The following OCA2 variants were observed in gnomAD, a reference collection of about 807,000 sequenced individuals.
OCA2 encodes the protein OCA2 melanosomal transmembrane protein.
A neutral mutation model predicts 100.2 loss-of-function variants in OCA2; 77 were observed. The observed-to-expected ratio is 0.77, with a 90% CI of 0.64 to 0.93. The LOEUF (loss-of-function observed/expected upper bound fraction) is 0.93. OCA2 is among the 40% of genes least tolerant of loss of function. The probability of loss-of-function intolerance (pLI) is 0.00; values close to 1 mark genes in which losing one functional copy is unlikely to be tolerated. For missense variants in OCA2, 1,062 were observed against 1,089.1 expected (o/e 0.98, Z 0.35); for synonymous variants, 432 against 439.2 (o/e 0.98, Z 0.21).
chr15:28,025,583 C>T (rs562657751), intron 4 of OCA2, among the ~76,000 whole-genome samples: 31 of 152,370 alleles, frequency 2.0e-4, no homozygotes, highest in African/African-American at 7.5e-4. Flanking sequence ...GACCGGACCA[C>T]AGGGCCTTTG....
the OCA2 span, among the ~76,000 whole-genome samples, chr15:27,727,411 C>T: frequency 6.6e-6 from 1 of 152,176 alleles, no homozygotes. Flanking sequence ...ATGAGGCCAG[C>T]TTCAGAGATG....
In OCA2 at chr15:28,081,775, C is replaced by T. The variant is rs367553582; in HGVS notation, c.100G>A (p.Gly34Ser). Residue 34 changes from glycine (G) to serine (S), a missense_variant, in exon 2 of 24, where the codon GGC becomes AGC. Coordinates refer to ENST00000354638, the MANE Select transcript of OCA2 (RefSeq NM_000275.3). The stretch of plus-strand genomic sequence containing the variant: ...GCTCCCCGAGGAAGCCTGCGCTTGC[C>T]GGCCACAAGTTCAGCGAGTCCGCTG... ...VPSGLAELVA[G>S]KRRLPRGAGG... 4.9e-5 allele frequency: 79 copies of T among 1,613,188 alleles called. No individual in the cohort carries two copies. The highest frequency in any genetic ancestry group is 6.4e-5 in the Non-Finnish European group (75 of 1,179,864).
intron 2 of OCA2, among the ~76,000 whole-genome samples, chr15:28,080,770 G>C (rs2044596098): frequency 1.3e-5 from 2 of 152,246 alleles, no homozygotes; most frequent in Admixed American, 1.3e-4. Context: ...AAGACAGTCA[G>C]AGACACCTAC....
the OCA2 span, among the ~76,000 whole-genome samples, chr15:27,723,277 G>A: frequency 2.0e-5 from 3 of 151,928 alleles, no homozygotes; most frequent in Admixed American, 1.3e-4. Flanking sequence ...TCCACCTTGC[G>A]TAGAATAATG....
chr15:27,814,883 T>TATAGATAGATAG (rs201567846), intron 23 of OCA2, among the ~76,000 whole-genome samples: 215 of 101,864 alleles, frequency 2.1e-3, no homozygotes, highest in Non-Finnish European at 3.1e-3. Flanking sequence ...ATTCTCTCTC[T>TATAGATAGATAG]ATAGATAGAT....
chr15:27,725,146 G>A, the OCA2 span, among the ~76,000 whole-genome samples: 13 of 152,182 alleles, frequency 8.5e-5, no homozygotes, highest in Non-Finnish European at 1.5e-4. Context: ...GGAGCACCGC[G>A]GAAGGTGATT....
chr15:27,826,896 A>C (rs78008531), intron 23 of OCA2, among the ~76,000 whole-genome samples: 1 of 152,380 alleles, frequency 6.6e-6, no homozygotes, highest in East Asian at 1.9e-4. Flanking sequence ...TGAAAGCACA[A>C]AACCCTCATT....
intron 18 of OCA2, among the ~76,000 whole-genome samples, chr15:27,928,080 C>T (rs759598814): frequency 1.4e-4 from 21 of 152,110 alleles, no homozygotes; most frequent in East Asian, 3.9e-4. Flanking sequence ...GCATGAGCCA[C>T]CATGCCCAGC....
intron 23 of OCA2, among the ~76,000 whole-genome samples, chr15:27,831,077 GGA>G (rs1448013892): frequency 6.6e-6 from 1 of 152,038 alleles, no homozygotes; most frequent in Non-Finnish European, 1.5e-5. Flanking sequence ...CACGAGGTCA[GGA>G]GATGGAGACC....
chr15:27,936,221 A>G (rs1026848444), intron 18 of OCA2, among the ~76,000 whole-genome samples: 1 of 152,092 alleles, frequency 6.6e-6, no homozygotes, highest in African/African-American at 2.4e-5. Context: ...GTGCAAACCC[A>G]GTGCTTCCTT....
At chr15:28,068,665 CT>C (rs1362032526) in intron 2 of OCA2, among the ~76,000 whole-genome samples, 6 of 152,216 alleles carry the variant, frequency 3.9e-5, no homozygotes, top group Admixed American at 2.6e-4. Flanking sequence ...AACAATATCC[CT>C]CATGAACATA....
At chr15:27,949,321 T>A (rs1257737778) in intron 18 of OCA2, among the ~76,000 whole-genome samples, 1 of 152,230 alleles carries the variant, frequency 6.6e-6, no homozygotes, top group Non-Finnish European at 1.5e-5. Context: ...TCATATCATA[T>A]GACATCACAT....
intron 18 of OCA2, among the ~76,000 whole-genome samples, chr15:27,936,817 CA>C (rs1450004799): frequency 4.6e-5 from 7 of 152,138 alleles, no homozygotes; most frequent in Non-Finnish European, 8.8e-5. Flanking sequence ...TAATGGCTTC[CA>C]TTCAACACCT....
At chr15:28,098,694 C>T (rs892758815) in intron 1 of OCA2, among the ~76,000 whole-genome samples, 1 of 152,210 alleles carries the variant, frequency 6.6e-6, no homozygotes, top group Non-Finnish European at 1.5e-5. Context: ...CCAGAGCGTC[C>T]ACATACCAGG....
chr15:27,788,557 T>C (rs970056033), intron 23 of OCA2, among the ~76,000 whole-genome samples: 2 of 152,126 alleles, frequency 1.3e-5, no homozygotes, highest in Non-Finnish European at 1.5e-5. Flanking sequence ...TCTTTTTCCT[T>C]CCTTTTATTT....
intron 2 of OCA2, among the ~76,000 whole-genome samples, chr15:28,057,119 CAT>C (rs536297614): frequency 3.9e-5 from 6 of 152,246 alleles, no homozygotes; most frequent in African/African-American, 1.4e-4. Context: ...AAATAGAACA[CAT>C]GTTTCAGAAA....
chr15:28,051,910 A>C (rs1424730117), intron 2 of OCA2, among the ~76,000 whole-genome samples: 1 of 152,122 alleles, frequency 6.6e-6, no homozygotes, highest in Non-Finnish European at 1.5e-5. Context: ...CTGCAAAAAA[A>C]TCAGGAACAT....
chr15:27,850,172 G>C (rs1054375218), intron 22 of OCA2, among the ~76,000 whole-genome samples: 3 of 152,162 alleles, frequency 2.0e-5, no homozygotes, highest in African/African-American at 4.8e-5. Flanking sequence ...CTGTCACTCT[G>C]TATGACCTGG....
intron 16 of OCA2, 45 bp from the exon 17 acceptor site, chr15:27,955,260 C>A (rs375292655): frequency 7.0e-7 from 1 of 1,437,866 alleles, no homozygotes; most frequent in African/African-American, 1.4e-5. Context: ...GGTCACGCTG[C>A]GTGGTGAGAT....
Sources: allele counts gnomAD v4.1 joint callset (sites outside exome capture counted in the v4.1 genomes callset), GRCh38; gene constraint gnomAD v4.1.1; transcripts MANE v1.5; gene names NCBI Gene and HGNC (gene_info 2026-07-23, HGNC 2026-07-21).